The following GFRA2 variants were observed in gnomAD, a reference collection of about 807,000 sequenced individuals.
GFRA2 encodes the protein GDNF family receptor alpha 2.
A neutral mutation model predicts 48.3 loss-of-function variants in GFRA2; 17 were observed. The observed-to-expected ratio is 0.35, with a 90% CI of 0.24 to 0.53. The LOEUF (loss-of-function observed/expected upper bound fraction) is 0.53. GFRA2 is among the 20% of genes least tolerant of loss of function. The probability of loss-of-function intolerance (pLI) is 0.93; values close to 1 mark genes in which losing one functional copy is unlikely to be tolerated. For missense variants in GFRA2, 660 were observed against 637.3 expected, an observed-to-expected ratio of 1.04 and a Z score of -0.38; for synonymous variants, 305 against 257.2, an observed-to-expected ratio of 1.19 and a Z score of -1.78.
chr8:21,775,148 G>A (rs1806633598), intron 2 of GFRA2, 93 bp from the exon 3 acceptor site: 1 of 712,440 alleles, frequency 1.4e-6, no homozygotes, highest in South Asian at 1.6e-5. Flanking sequence ...TCTCTACCAG[G>A]GGAAAGCTCG....
rs773188702 is a variant in GFRA2, at chr8:21,705,993, C to A, written c.843G>T (p.Thr281=). ...FHANCRASYQ[T]VTSCPADNYQ... is the part of the protein sequence containing the mutation. Reference sequence around the variant, plus strand: ...AATTGTCCGCAGGGCAGCTGGTGACCGTCTGGTAGGAGGCTCGACAATTGG... The same window carrying A: ...AATTGTCCGCAGGGCAGCTGGTGACAGTCTGGTAGGAGGCTCGACAATTGG... Residue 281 remains threonine (T), a synonymous_variant, in exon 5 of 9, where the codon ACG becomes ACT. Coordinates refer to ENST00000524240, the MANE Select transcript of GFRA2 (RefSeq NM_001495.5). 477 of 1,580,930 alleles carry A rather than the reference C, an allele frequency of 3.0e-4. No individual in the cohort carries two copies. The highest frequency in any genetic ancestry group is 4.0e-4 in the Non-Finnish European group (463 of 1,163,278).
intron 4 of GFRA2, among the ~76,000 whole-genome samples, chr8:21,713,371 T>C (rs1160385474): frequency 6.6e-6 from 1 of 151,950 alleles, no homozygotes; most frequent in South Asian, 2.1e-4. Flanking sequence ...CGTTTTTGTA[T>C]TTTTAATAGA....
At chr8:21,725,652 C>A (rs1454655508) in intron 4 of GFRA2, among the ~76,000 whole-genome samples, 1 of 152,204 alleles carries the variant, frequency 6.6e-6, no homozygotes, top group African/African-American at 2.4e-5. Context: ...CTCATGAACA[C>A]CCTGAGATAC....
At chr8:21,759,525 G>C (rs983148428) in intron 3 of GFRA2, among the ~76,000 whole-genome samples, 2 of 146,654 alleles carry the variant, frequency 1.4e-5, no homozygotes, top group African/African-American at 5.1e-5. Flanking sequence ...AAGGAAGGAA[G>C]GAAGGAAGGA....
intron 4 of GFRA2, among the ~76,000 whole-genome samples, chr8:21,722,037 G>A (rs1803624564): frequency 6.6e-6 from 1 of 152,186 alleles, no homozygotes; most frequent in African/African-American, 2.4e-5. Context: ...CTTCTCTGGA[G>A]CAATTTATCA....
chr8:21,795,064 C>G (rs1343552926), intron 2 of GFRA2, among the ~76,000 whole-genome samples: 31 of 152,226 alleles, frequency 2.0e-4, no homozygotes, highest in Admixed American at 2.0e-3. Flanking sequence ...CTCTCTGCAG[C>G]CCCACCCATC....
chr8:21,722,618 T>C (rs1270236682), intron 4 of GFRA2, among the ~76,000 whole-genome samples: 2 of 152,122 alleles, frequency 1.3e-5, no homozygotes, highest in South Asian at 2.1e-4. Context: ...CTCTCCCATG[T>C]GTCCCCACAC....
chr8:21,722,976 G>A (rs1214982086), intron 4 of GFRA2, among the ~76,000 whole-genome samples: 10 of 152,162 alleles, frequency 6.6e-5, no homozygotes, highest in Non-Finnish European at 1.5e-4. Context: ...GGACACAGCA[G>A]ACCACTCAGG....
Position 21,708,951 on chromosome 8 carries a change from A to G in GFRA2, c.795-2910T>C, listed in dbSNP as rs1802883111. 2.0e-5 allele frequency among the ~76,000 whole-genome samples: 3 copies of G among 152,340 alleles called. No individual in the cohort carries two copies. The South Asian group carries it at 6.2e-4, about 32-fold the overall frequency. On this transcript the variant is annotated intron_variant, in intron 4 of 8. Coordinates refer to ENST00000524240, the MANE Select transcript of GFRA2 (RefSeq NM_001495.5). ...CCCAGGAAATGAATGCAGCCCTTTC[A>G]AAGACTTCACTGTTTGCTTTGGCCA...
In GFRA2 at chr8:21,690,433, C is replaced by G. The variant is rs536275524; in HGVS notation, c.*2845G>C. On this transcript the variant is annotated 3_prime_UTR_variant, in exon 9 of 9. Coordinates refer to ENST00000524240, the MANE Select transcript of GFRA2 (RefSeq NM_001495.5). ...ATAGCAACAATTTATTCTTCTAGTTCGATTTGCATATTTTGAGAGAATCAC... is the reference window on the plus strand; with the variant it reads ...ATAGCAACAATTTATTCTTCTAGTTGGATTTGCATATTTTGAGAGAATCAC... The G allele has an allele frequency of 6.6e-6, 1 of 152,136 alleles. No homozygotes were observed. Among genetic ancestry groups the G allele is most frequent in the Non-Finnish European group, 1.5e-5 (1 of 68,036 alleles). 9.4% of individuals were successfully genotyped at this position (152,136 alleles called of 1,614,324 possible).
chr8:21,797,440 T>C (rs2117109210), intron 2 of GFRA2: 1 of 151,940 alleles, frequency 6.6e-6, no homozygotes, highest in African/African-American at 2.4e-5. Context: ...ATACAAAAAT[T>C]AGTTGAGCGT....
chr8:21,805,385 A>G, intron 1 of GFRA2, among the ~76,000 whole-genome samples: 1 of 152,218 alleles, frequency 6.6e-6, no homozygotes, highest in East Asian at 1.9e-4. Flanking sequence ...TATTTTCCCT[A>G]TGCTACACAG....
chr8:21,768,572 T>G (rs960481955), intron 3 of GFRA2, among the ~76,000 whole-genome samples: 4 of 152,088 alleles, frequency 2.6e-5, no homozygotes, highest in Non-Finnish European at 4.4e-5. Context: ...GTCTCCTGCC[T>G]CCGGGCCTGG....
intron 4 of GFRA2, among the ~76,000 whole-genome samples, chr8:21,707,899 C>A (rs1030778661): frequency 1.3e-4 from 20 of 152,188 alleles, no homozygotes; most frequent in African/African-American, 4.8e-4. Context: ...ACTTTCATAT[C>A]CATCTTTTAT....
intron 3 of GFRA2, among the ~76,000 whole-genome samples, chr8:21,763,678 C>T (rs1393112620): frequency 2.0e-5 from 3 of 151,996 alleles, no homozygotes; most frequent in East Asian, 1.9e-4. Context: ...CACCTTCCAG[C>T]TCCCTCTCTG....
upstream of GFRA2, chr8:21,790,201 C>A (rs1352993228): frequency 1.2e-5 from 7 of 588,566 alleles, no homozygotes; most frequent in Non-Finnish European, 1.5e-5. Flanking sequence ...GGCGCGGGGT[C>A]GCGGTCGCGC....
At chr8:21,762,418 C>T (rs1805959637) in intron 3 of GFRA2, among the ~76,000 whole-genome samples, 1 of 152,154 alleles carries the variant, frequency 6.6e-6, no homozygotes. Context: ...TCAAATCAGT[C>T]CTGGAAGTCT....
intron 3 of GFRA2, among the ~76,000 whole-genome samples, chr8:21,772,021 G>C (rs939769553): frequency 6.6e-6 from 1 of 152,124 alleles, no homozygotes; most frequent in Non-Finnish European, 1.5e-5. Context: ...ACATGTGCCC[G>C]GATATTGACA....
chr8:21,771,326 A>G (rs1218155974), intron 3 of GFRA2, among the ~76,000 whole-genome samples: 2 of 152,222 alleles, frequency 1.3e-5, no homozygotes, highest in African/African-American at 2.4e-5. Flanking sequence ...GAATTGCTAG[A>G]AACAGGACAA....
Sources: allele counts gnomAD v4.1 joint callset (sites outside exome capture counted in the v4.1 genomes callset), GRCh38; gene constraint gnomAD v4.1.1; transcripts MANE v1.5; gene names NCBI Gene and HGNC (gene_info 2026-07-23, HGNC 2026-07-21).